Variants in PDE10A observed in about 807,000 individuals in gnomAD.
The protein encoded by PDE10A is phosphodiesterase 10A.
PDE10A carries 39 observed loss-of-function variants against 97.7 expected under a neutral mutation model. That is an observed-to-expected ratio of 0.40 (90% CI 0.31 to 0.52). The LOEUF (loss-of-function observed/expected upper bound fraction) is 0.52. PDE10A is among the 20% of genes least tolerant of loss of function. PDE10A has a pLI of 0.56. For synonymous variants in PDE10A, 371 were observed against 376.8 expected (o/e 0.98, Z 0.18); for missense variants, 731 against 1,047.8 (o/e 0.70, Z 4.17).
rs949866991 is a variant in PDE10A, at chr6:165,347,234, C to G, written c.2784-3732G>C. On this transcript the variant is annotated intron_variant, in intron 18 of 21. Transcript: ENST00000539869. ...TTTGAGTAATTTAGTAAACATTAAACTAGCCTAAGAATAATACAGTTTTTC... is the reference window on the plus strand; with the variant it reads ...TTTGAGTAATTTAGTAAACATTAAAGTAGCCTAAGAATAATACAGTTTTTC... 3.3e-5 allele frequency among the ~76,000 whole-genome samples: 5 copies of G among 152,110 alleles called. 1 individual carries two copies. In the East Asian group the frequency reaches 9.6e-4, roughly 29 times the overall value.
chr6:165,958,877 G>T (rs1335411052), intron 1 of PDE10A, among the ~76,000 whole-genome samples: 1 of 152,060 alleles, frequency 6.6e-6, no homozygotes. Flanking sequence ...TCTTGCTTCT[G>T]CCCAAAAGAC....
intron 2 of PDE10A, among the ~76,000 whole-genome samples, chr6:165,537,031 T>C (rs770750093): frequency 1.3e-5 from 2 of 151,972 alleles, no homozygotes; most frequent in Non-Finnish European, 2.9e-5. Flanking sequence ...AGCCGAAATA[T>C]GTAATCAACC....
At chr6:165,552,484 G>A (rs1196797269) in intron 1 of PDE10A, among the ~76,000 whole-genome samples, 2 of 152,174 alleles carry the variant, frequency 1.3e-5, no homozygotes, top group African/African-American at 4.8e-5. Flanking sequence ...CGTTCCTTCT[G>A]AGAGTCTGAA....
intron 1 of PDE10A, among the ~76,000 whole-genome samples, chr6:165,816,228 C>T (rs747070534): frequency 9.9e-5 from 15 of 152,184 alleles, no homozygotes; most frequent in South Asian, 2.1e-4. Context: ...GGATTACAGG[C>T]GTGAGCCACT....
chr6:165,743,089 T>C (rs1486395455), intron 1 of PDE10A, among the ~76,000 whole-genome samples: 1 of 152,184 alleles, frequency 6.6e-6, no homozygotes, highest in South Asian at 2.1e-4. Flanking sequence ...CTGGCATTCG[T>C]CGCTAGTGGA....
In PDE10A at chr6:165,740,579, T is replaced by C. The variant is rs528359615; in HGVS notation, c.-614-197011A>G. Among the ~76,000 whole-genome samples, 63 of 152,246 alleles carry C rather than the reference T, an allele frequency of 4.1e-4. No individual in the cohort carries two copies. In the South Asian group the frequency reaches 0.012, roughly 30 times the overall value. ...CCATCTCCTGACCTCGTGATCCACCTGCCTCACCCTCCCAAAGTGCTGGGA... is the reference window on the plus strand; with the variant it reads ...CCATCTCCTGACCTCGTGATCCACCCGCCTCACCCTCCCAAAGTGCTGGGA... On this transcript the variant is annotated intron_variant, in intron 1 of 19. Transcript: ENST00000366882.
intron 2 of PDE10A, among the ~76,000 whole-genome samples, chr6:165,526,971 A>G (rs887208949): frequency 1.3e-5 from 2 of 152,176 alleles, no homozygotes; most frequent in Non-Finnish European, 2.9e-5. Context: ...TACACTGATG[A>G]CATTATGCTG....
chr6:165,556,773 T>C (rs889510600), intron 1 of PDE10A, among the ~76,000 whole-genome samples: 1 of 152,090 alleles, frequency 6.6e-6, no homozygotes. Context: ...TTTCCACATT[T>C]AAAATAAGAA....
intron 2 of PDE10A, among the ~76,000 whole-genome samples, chr6:165,512,341 CCTT>C (rs1222158637): frequency 6.6e-6 from 1 of 151,716 alleles, no homozygotes; most frequent in Non-Finnish European, 1.5e-5. Flanking sequence ...TGTTATTTCT[CCTT>C]CATTTGTGAA....
intron 1 of PDE10A, chr6:165,986,429 CAG>C (rs1383995462): frequency 3.9e-5 from 6 of 152,848 alleles, no homozygotes; most frequent in African/African-American, 1.4e-4. Context: ...GGCAGGGACT[CAG>C]TGCAGAAATC....
chr6:165,470,575 A>G (rs1255679463), intron 3 of PDE10A, among the ~76,000 whole-genome samples: 1 of 152,246 alleles, frequency 6.6e-6, no homozygotes, highest in Non-Finnish European at 1.5e-5. Context: ...ATTCATAGAA[A>G]AGTATTACCT....
intron 1 of PDE10A, among the ~76,000 whole-genome samples, chr6:165,965,731 T>C (rs1164869602): frequency 6.6e-6 from 1 of 152,244 alleles, no homozygotes; most frequent in Non-Finnish European, 1.5e-5. Flanking sequence ...CGAGTCTGAG[T>C]TTGATCATAA....
chr6:165,447,642 C>T (rs905144674), intron 5 of PDE10A, among the ~76,000 whole-genome samples: 10 of 151,934 alleles, frequency 6.6e-5, no homozygotes, highest in African/African-American at 1.9e-4. Context: ...TTTAATGCAC[C>T]GAAAAGAAGT....
At chr6:165,626,788 T>C (rs912687997) in intron 1 of PDE10A, among the ~76,000 whole-genome samples, 1 of 127,122 alleles carries the variant, frequency 7.9e-6, no homozygotes, top group Non-Finnish European at 1.8e-5. Flanking sequence ...GAGCTGGGGA[T>C]GGGGTGGACA....
At chr6:165,804,386 G>C (rs959474996) in intron 1 of PDE10A, among the ~76,000 whole-genome samples, 2 of 152,076 alleles carry the variant, frequency 1.3e-5, no homozygotes, top group East Asian at 3.9e-4. Flanking sequence ...TTCCACTTTC[G>C]AGCATTCGTT....
intron 1 of PDE10A, among the ~76,000 whole-genome samples, chr6:165,966,184 G>A (rs911923686): frequency 1.3e-5 from 2 of 151,940 alleles, no homozygotes; most frequent in African/African-American, 4.8e-5. Context: ...GAGATGAAAT[G>A]TCTGCAGAAA....
Position 165,360,753 on chromosome 6 carries a change from A to G in PDE10A, c.2784-17251T>C, listed in dbSNP as rs372869208. On this transcript the variant is annotated intron_variant, in intron 18 of 21. Transcript: ENST00000539869. ...TGTCTGTAAAGCAATGTCTCCCCCAAATACTGTTGTTGTAAACAATAAAGC... is the reference window on the plus strand; with the variant it reads ...TGTCTGTAAAGCAATGTCTCCCCCAGATACTGTTGTTGTAAACAATAAAGC... Among the ~76,000 whole-genome samples the G allele has an allele frequency of 1.3e-3, 195 of 152,320 alleles. 1 individual carries two copies. Among genetic ancestry groups the G allele is most frequent in the African/African-American group, 4.1e-3 (169 of 41,576 alleles).
At chr6:165,451,438 A>C (rs538531135) in intron 3 of PDE10A, among the ~76,000 whole-genome samples, 1 of 152,340 alleles carries the variant, frequency 6.6e-6, no homozygotes, top group African/African-American at 2.4e-5. Context: ...CCATGGCTTC[A>C]AACACTCCTG....
At chr6:165,531,988 C>T (rs946683401) in intron 2 of PDE10A, among the ~76,000 whole-genome samples, 4 of 152,084 alleles carry the variant, frequency 2.6e-5, no homozygotes, top group East Asian at 1.9e-4. Flanking sequence ...ATTACTGGTA[C>T]AAAAATGAAC....
Sources: gnomAD v4.1 joint callset for allele counts (sites outside exome capture counted in the v4.1 genomes callset) on GRCh38, gnomAD v4.1.1 for gene constraint, MANE v1.5 for transcripts, NCBI Gene and HGNC (gene_info 2026-07-23, HGNC 2026-07-21) for gene names.